Variants in KDM4C observed in about 807,000 individuals in gnomAD.
The protein encoded by KDM4C is lysine-specific demethylase 4C.
A neutral mutation model predicts 129.3 loss-of-function variants in KDM4C; 81 were observed. That is an observed-to-expected ratio of 0.63 (90% CI 0.52 to 0.75). The LOEUF is 0.75. KDM4C is among the 30% of genes least tolerant of loss of function. The pLI is 0.00. For synonymous variants in KDM4C, 573 were observed against 456.1 expected, an observed-to-expected ratio of 1.26 and a Z score of -3.26; for missense variants, 1,457 against 1,304.0, an observed-to-expected ratio of 1.12 and a Z score of -1.81.
intron 19 of KDM4C, among the ~76,000 whole-genome samples, chr9:7,152,116 T>C (rs1293855050): frequency 6.6e-6 from 1 of 152,234 alleles, no homozygotes; most frequent in East Asian, 1.9e-4. Context: ...GAGTCTGATG[T>C]TGAATTTTTC....
chr9:7,003,972 A>G (rs1205753117), intron 12 of KDM4C, among the ~76,000 whole-genome samples: 1 of 152,088 alleles, frequency 6.6e-6, no homozygotes, highest in Non-Finnish European at 1.5e-5. Context: ...CAGGACTGAG[A>G]TTTTGCTCAA....
At chr9:7,085,767 A>C (rs1587543478) in intron 17 of KDM4C, among the ~76,000 whole-genome samples, 1 of 152,286 alleles carries the variant, frequency 6.6e-6, no homozygotes, top group East Asian at 1.9e-4. Flanking sequence ...CACTGGGCCT[A>C]TGCGTTAACC....
At chr9:6,923,824 T>G (rs1038345970) in intron 8 of KDM4C, among the ~76,000 whole-genome samples, 1 of 152,226 alleles carries the variant, frequency 6.6e-6, no homozygotes, top group African/African-American at 2.4e-5. Context: ...CTTCTCTTTT[T>G]GGGGGCAGAG....
intron 10 of KDM4C, among the ~76,000 whole-genome samples, chr9:6,984,715 C>G (rs1817385252): frequency 6.6e-6 from 1 of 151,548 alleles, no homozygotes; most frequent in Non-Finnish European, 1.5e-5. Flanking sequence ...TTTTGGAAGG[C>G]TTCTTTTGAA....
chr9:6,758,112 C>CTCCCAAATT lies in KDM4C; in HGVS notation c.-100_-92dup, dbSNP rs1477864675. 1.0e-6 allele frequency: 1 copy of CTCCCAAATT among 985,474 alleles called. No homozygotes were observed. The highest frequency in any genetic ancestry group is 1.1e-4 in the East Asian group (1 of 8,818). 61.0% of individuals were successfully genotyped at this position (985,474 alleles called of 1,614,324 possible). On this transcript the variant is annotated 5_prime_UTR_variant, in exon 1 of 22. Coordinates refer to ENST00000381309, the MANE Select transcript of KDM4C (RefSeq NM_015061.6). The surrounding 1 kb of genome is among the most constrained non-coding windows in gnomAD (Gnocchi z 4.6). ...AGCTGTCACCTAGTGCGGAACAAGT[C>CTCCCAAATT]TCCCAAATTTCCCAAATCTCCCTGG...
At chr9:7,098,151 A>AT (rs1169046010) in intron 17 of KDM4C, among the ~76,000 whole-genome samples, 3 of 152,060 alleles carry the variant, frequency 2.0e-5, no homozygotes. Context: ...TTCTTTTGTG[A>AT]TTTTTATTTA....
intron 5 of KDM4C, among the ~76,000 whole-genome samples, chr9:6,874,533 T>G (rs1227794373): frequency 6.6e-6 from 1 of 152,246 alleles, no homozygotes; most frequent in Non-Finnish European, 1.5e-5. Flanking sequence ...GCTGTTTAAC[T>G]TTATTACTCA....
intron 2 of KDM4C, among the ~76,000 whole-genome samples, chr9:6,799,017 A>C (rs560554309): frequency 2.5e-4 from 28 of 112,862 alleles, no homozygotes; most frequent in African/African-American, 1.0e-3. Flanking sequence ...GGCGGCCGGG[A>C]AGAGGCGCTC....
In KDM4C at chr9:6,915,789, G is replaced by A. The variant is rs566858316; in HGVS notation, c.921+22557G>A. Among the ~76,000 whole-genome samples, 4 of 152,186 alleles carry A rather than the reference G, an allele frequency of 2.6e-5. No homozygotes were observed. The East Asian group carries it at 7.7e-4, about 29-fold the overall frequency. The stretch of plus-strand genomic sequence containing the variant: ...GGAAAGGGCTAGTTTTACACTTCCA[G>A]CTTCCTTTGGAAGCTGCCTGTTAAT... On this transcript the variant is annotated intron_variant, in intron 8 of 21. Coordinates refer to ENST00000381309, the MANE Select transcript of KDM4C (RefSeq NM_015061.6).
intron 17 of KDM4C, among the ~76,000 whole-genome samples, chr9:7,084,290 C>T (rs1374179047): frequency 6.6e-6 from 1 of 152,172 alleles, no homozygotes; most frequent in East Asian, 1.9e-4. Flanking sequence ...AGGGGCTGCT[C>T]TCTCAGCCTG....
intron 19 of KDM4C, among the ~76,000 whole-genome samples, chr9:7,128,907 G>A (rs1190103638): frequency 6.6e-6 from 1 of 152,152 alleles, no homozygotes; most frequent in Non-Finnish European, 1.5e-5. Context: ...CCAGGGTAAT[G>A]ACTGACTTTG....
intron 7 of KDM4C, among the ~76,000 whole-genome samples, chr9:6,888,805 T>C (rs1422518789): frequency 3.3e-5 from 1 of 30,042 alleles, no homozygotes; most frequent in Admixed American, 2.4e-4. Context: ...TTTTTTTTTT[T>C]GAGACGGAGT....
At chr9:7,066,059 T>G (rs1246850988) in intron 17 of KDM4C, among the ~76,000 whole-genome samples, 1 of 152,150 alleles carries the variant, frequency 6.6e-6, no homozygotes, top group Admixed American at 6.5e-5. Context: ...AGCATATATT[T>G]GAAATATAAT....
chr9:6,947,793 G>C (rs1827242034), intron 8 of KDM4C, among the ~76,000 whole-genome samples: 1 of 151,570 alleles, frequency 6.6e-6, no homozygotes, highest in African/African-American at 2.4e-5. Flanking sequence ...CCTGGTGTAA[G>C]TCAGAATCTT....
intron 5 of KDM4C, among the ~76,000 whole-genome samples, chr9:6,852,426 G>C (rs1564161410): frequency 6.6e-6 from 1 of 152,152 alleles, no homozygotes; most frequent in Non-Finnish European, 1.5e-5. Context: ...CACAAGGTTA[G>C]CCAGAATGAC....
chr9:6,800,720 GGGCTCAAGCAGTCGCCCCA>G (rs1828786136), intron 2 of KDM4C, among the ~76,000 whole-genome samples: 1 of 152,072 alleles, frequency 6.6e-6, no homozygotes, highest in Admixed American at 6.5e-5. Context: ...TTGTCCTCCC[GGGCTCAAGCAGTCGCCCCA>G]CCTCAGCCTC....
chr9:7,127,779 A>G (rs1840177099), intron 18 of KDM4C: 1 of 245,994 alleles, frequency 4.1e-6, no homozygotes, highest in Non-Finnish European at 7.8e-6. Flanking sequence ...GTGTATATAT[A>G]TACATACATA....
intron 2 of KDM4C, among the ~76,000 whole-genome samples, chr9:6,801,852 C>G (rs1395045426): frequency 6.6e-6 from 1 of 152,054 alleles, no homozygotes; most frequent in African/African-American, 2.4e-5. Flanking sequence ...TGCCTGTAAT[C>G]CCAGCACTTT....
At chr9:7,002,022 A>G (rs769375516) in intron 12 of KDM4C, among the ~76,000 whole-genome samples, 8 of 152,056 alleles carry the variant, frequency 5.3e-5, no homozygotes, top group Non-Finnish European at 1.2e-4. Flanking sequence ...CCTCCCGAGT[A>G]TCTAGGACTA....
Sources: allele counts gnomAD v4.1 joint callset (sites outside exome capture counted in the v4.1 genomes callset), GRCh38; gene constraint gnomAD v4.1.1; non-coding constraint Gnocchi (gnomAD v3.1); transcripts MANE v1.5; gene names NCBI Gene and HGNC (gene_info 2026-07-23, HGNC 2026-07-21).